DPY19L1: variants seen among roughly 807,000 people sequenced by gnomAD.
DPY19L1 encodes protein C-mannosyl-transferase DPY19L1.
Under a neutral mutation model 96.9 loss-of-function variants are expected in DPY19L1, and 35 were observed. The ratio of observed to expected loss-of-function variants is 0.36; its 90% CI spans 0.28 to 0.48. DPY19L1 has a LOEUF of 0.48. DPY19L1 is among the 20% of genes least tolerant of loss of function. DPY19L1 has a pLI of 0.99. For synonymous variants in DPY19L1, 205 were observed against 252.6 expected (o/e 0.81, Z 1.79); for missense variants, 521 against 777.9 (o/e 0.67, Z 3.93).
intron 21 of DPY19L1, among the ~76,000 whole-genome samples, chr7:34,936,359 T>C (rs1350556361): frequency 6.6e-6 from 1 of 152,152 alleles, no homozygotes; most frequent in South Asian, 2.1e-4. Context: ...ATTCAAACTC[T>C]ATGCAGGGGT....
chr7:35,015,605 T>C (rs1785827257), intron 3 of DPY19L1, among the ~76,000 whole-genome samples: 1 of 152,224 alleles, frequency 6.6e-6, no homozygotes, highest in African/African-American at 2.4e-5. Flanking sequence ...GTTCCAGGAA[T>C]TCCCCTCCCT....
intron 1 of DPY19L1, among the ~76,000 whole-genome samples, chr7:35,031,862 A>T (rs1435911136): frequency 6.6e-6 from 1 of 152,218 alleles, no homozygotes; most frequent in Non-Finnish European, 1.5e-5. Context: ...AGAAAAAAAA[A>T]TGGCTGTAAA....
intron 10 of DPY19L1, among the ~76,000 whole-genome samples, chr7:34,959,921 ATATT>A (rs1189597561): frequency 5.7e-4 from 8 of 13,942 alleles, no homozygotes; most frequent in South Asian, 1.6e-3. Context: ...ATATATATAT[ATATT>A]TATATATATA....
At chr7:34,966,586 G>A (rs1008052006) in intron 10 of DPY19L1, among the ~76,000 whole-genome samples, 7 of 152,134 alleles carry the variant, frequency 4.6e-5, no homozygotes, top group East Asian at 1.9e-4. Context: ...CCACCATGTC[G>A]GGCCCTTCTA....
chr7:34,978,611 T>C (rs1392662744), intron 7 of DPY19L1, among the ~76,000 whole-genome samples: 1 of 152,144 alleles, frequency 6.6e-6, no homozygotes, highest in Non-Finnish European at 1.5e-5. Flanking sequence ...GCTTTGTGCA[T>C]CTCAGGGCAC....
chr7:34,950,712 T>C (rs1454962265), intron 13 of DPY19L1, among the ~76,000 whole-genome samples: 1 of 152,096 alleles, frequency 6.6e-6, no homozygotes, highest in Non-Finnish European at 1.5e-5. Context: ...CTATGTCTTG[T>C]TGGGAGAAGA....
At chr7:35,035,906 A>AT (rs1340676940) in intron 1 of DPY19L1, among the ~76,000 whole-genome samples, 19 of 112,522 alleles carry the variant, frequency 1.7e-4, no homozygotes, top group Admixed American at 1.5e-3. Flanking sequence ...TGCTACTGAG[A>AT]TAAAAAAAAA....
chr7:34,981,171 A>T (rs1784931240), intron 7 of DPY19L1, among the ~76,000 whole-genome samples: 1 of 152,220 alleles, frequency 6.6e-6, no homozygotes, highest in Non-Finnish European at 1.5e-5. Context: ...AGTATATATC[A>T]TTAAAATGTG....
In DPY19L1 at chr7:34,959,602, A is replaced by C. The variant is rs570662681; in HGVS notation, c.1093-1532T>G. 4.6e-5 allele frequency among the ~76,000 whole-genome samples: 7 copies of C among 152,080 alleles called. No individual in the cohort carries two copies. In the South Asian group the frequency reaches 1.5e-3, roughly 32 times the overall value. ...AGCTGGAAGCCATAACTGTCAGCAA[A>C]CTAACACAGGAACAGAAAACCAAAC... On this transcript the variant is annotated intron_variant, in intron 10 of 21. Coordinates refer to ENST00000638088, the MANE Select transcript of DPY19L1 (RefSeq NM_001366673.1).
At chr7:34,940,044 G>T in intron 19 of DPY19L1, 109 bp downstream of exon 19, 1 of 964,276 alleles carries the variant, frequency 1.0e-6, no homozygotes, top group South Asian at 2.4e-5. Context: ...TGCATAGAAA[G>T]AGTGAGATCA....
intron 4 of DPY19L1, among the ~76,000 whole-genome samples, chr7:35,011,670 C>T (rs1303084394): frequency 6.6e-6 from 1 of 150,906 alleles, no homozygotes; most frequent in Non-Finnish European, 1.5e-5. Flanking sequence ...AAATATGGGC[C>T]AAAAAAAAGT....
At chr7:35,027,688 A>AAAAAAAAAAAAAAAAAAG (rs1786160235) in intron 1 of DPY19L1, among the ~76,000 whole-genome samples, 1 of 148,704 alleles carries the variant, frequency 6.7e-6, no homozygotes, top group Non-Finnish European at 1.5e-5. Flanking sequence ...AAAAAAAAAA[A>AAAAAAAAAAAAAAAAAAG]TTAGTTGGGC....
intron 16 of DPY19L1, 120 bp from the exon 17 acceptor site, chr7:34,942,759 C>T (rs958054400): frequency 5.4e-5 from 42 of 773,440 alleles, no homozygotes; most frequent in South Asian, 9.8e-5. Context: ...TCAGGACACA[C>T]ACAGGCAAAT....
chr7:35,025,688 G>C (rs771561950), intron 1 of DPY19L1, among the ~76,000 whole-genome samples: 2 of 152,084 alleles, frequency 1.3e-5, no homozygotes, highest in Non-Finnish European at 1.5e-5. Context: ...ATTTACTGAA[G>C]GTCCACTCAT....
intron 4 of DPY19L1, among the ~76,000 whole-genome samples, chr7:35,011,676 A>T (rs189927368): frequency 6.6e-6 from 1 of 152,316 alleles, no homozygotes; most frequent in African/African-American, 2.4e-5. Flanking sequence ...GGGCCAAAAA[A>T]AAGTGCTAAA....
chr7:34,966,844 A>C (rs758876672), intron 10 of DPY19L1, 50 bp downstream of exon 10: 4 of 1,409,580 alleles, frequency 2.8e-6, no homozygotes, highest in Non-Finnish European at 3.8e-6. Flanking sequence ...AATATTAATC[A>C]GGAGTTTTAA....
In DPY19L1 at chr7:34,949,883, A is replaced by G. The variant is rs1784234375; in HGVS notation, c.1336T>C (p.Leu446=). 6.3e-7 allele frequency: 1 copy of G among 1,582,878 alleles called. No individual in the cohort carries two copies. Among genetic ancestry groups the G allele is most frequent in the South Asian group, 1.1e-5 (1 of 87,224 alleles). The change falls in exon 14 of 22, where the codon TTA becomes CTA. Residue 446 remains leucine, a synonymous_variant. Coordinates refer to ENST00000638088, the MANE Select transcript of DPY19L1 (RefSeq NM_001366673.1). ...GIADDAHIGN[L]LTSKFFSYKD... Reference sequence around the variant, plus strand: ...TAACTAAAGAATTTTGATGTTAGTAAGTTGCCAATATGAGCCTGGTAAGAA... The same window carrying G: ...TAACTAAAGAATTTTGATGTTAGTAGGTTGCCAATATGAGCCTGGTAAGAA...
At chr7:34,954,136 A>C (rs1183205046) in intron 13 of DPY19L1, among the ~76,000 whole-genome samples, 1 of 152,186 alleles carries the variant, frequency 6.6e-6, no homozygotes, top group Admixed American at 6.5e-5. Flanking sequence ...CACCAAAATA[A>C]AATAGGCAAA....
At chr7:34,938,166 T>C in intron 20 of DPY19L1, 47 bp from the exon 21 acceptor site, 2 of 1,569,296 alleles carry the variant, frequency 1.3e-6, no homozygotes, top group Non-Finnish European at 1.7e-6. Flanking sequence ...ACTAAAACGA[T>C]ACAATAACAC....
Sources: gnomAD v4.1 joint callset for allele counts (sites outside exome capture counted in the v4.1 genomes callset) on GRCh38, gnomAD v4.1.1 for gene constraint, MANE v1.5 for transcripts, NCBI Gene and HGNC (gene_info 2026-07-23, HGNC 2026-07-21) for gene names.